COL25A1: variants seen among roughly 807,000 people sequenced by gnomAD.
COL25A1 encodes the protein collagen alpha-1(XXV) chain.
Under a neutral mutation model 128.4 loss-of-function variants are expected in COL25A1, and 103 were observed. That is an observed-to-expected ratio of 0.80 (90% CI 0.68 to 0.94). The LOEUF (loss-of-function observed/expected upper bound fraction) is 0.94. Among genes scored for constraint, COL25A1 ranks in the 40% least tolerant of loss-of-function variants. COL25A1 has a pLI of 0.00. For missense variants in COL25A1, 745 were observed against 840.0 expected (o/e 0.89, Z 1.40); for synonymous variants, 279 against 277.2 (o/e 1.01, Z -0.06).
chr4:109,140,598 T>A (rs1464828326), intron 3 of COL25A1, among the ~76,000 whole-genome samples: 1 of 152,234 alleles, frequency 6.6e-6, no homozygotes, highest in African/African-American at 2.4e-5. Flanking sequence ...TTGTGTCCTC[T>A]CTTATTTCCT....
At chr4:109,176,784 C>A (rs961991964) in intron 3 of COL25A1, among the ~76,000 whole-genome samples, 3 of 152,138 alleles carry the variant, frequency 2.0e-5, no homozygotes, top group Admixed American at 2.0e-4. Flanking sequence ...GGAAAAGACA[C>A]AGACAGAAGA....
At chr4:109,127,617 C>T (rs749852701) in intron 3 of COL25A1, among the ~76,000 whole-genome samples, 3 of 152,092 alleles carry the variant, frequency 2.0e-5, no homozygotes, top group African/African-American at 4.8e-5. Flanking sequence ...TGTGAGCCAC[C>T]GCGCCTGGCC....
At chr4:108,914,902 G>T (rs1744689400) in intron 13 of COL25A1, among the ~76,000 whole-genome samples, 1 of 152,060 alleles carries the variant, frequency 6.6e-6, no homozygotes. Flanking sequence ...ATTCACTTTA[G>T]ATATATTGTC....
intron 3 of COL25A1, among the ~76,000 whole-genome samples, chr4:109,240,935 AC>A (rs201977386): frequency 0.032 from 3,336 of 104,134 alleles, 101 homozygotes; most frequent in African/African-American, 0.15. Flanking sequence ...AATGGAGAGT[AC>A]AAAATAATTT....
rs149459099 is a variant in COL25A1 at position 109,216,607 on chromosome 4, G to A, written c.367+83976C>T. 3.6e-4 allele frequency among the ~76,000 whole-genome samples: 55 copies of A among 152,170 alleles called. 1 individual carries two copies. The highest frequency in any genetic ancestry group is 1.3e-3 in the African/African-American group (52 of 41,530). On this transcript the variant is annotated intron_variant, in intron 3 of 37. Transcript: ENST00000399132. ...GCCATGTGAAGACAGGCAGAGATTGGAGCTCTTCTGCCACAAGCCAAGAAA... is the reference window on the plus strand; with the variant it reads ...GCCATGTGAAGACAGGCAGAGATTGAAGCTCTTCTGCCACAAGCCAAGAAA...
intron 3 of COL25A1, among the ~76,000 whole-genome samples, chr4:109,125,354 C>T (rs1321792244): frequency 6.6e-6 from 1 of 152,098 alleles, no homozygotes; most frequent in African/African-American, 2.4e-5. Context: ...ATAGCCTTCT[C>T]AGGAAGTAAC....
At chr4:108,954,207 C>T (rs147103565) in intron 8 of COL25A1, among the ~76,000 whole-genome samples, 8 of 152,102 alleles carry the variant, frequency 5.3e-5, no homozygotes. Context: ...AATGTCAAAA[C>T]CGAATTTCCT....
At chr4:109,167,048 T>G (rs1773139769) in intron 3 of COL25A1, among the ~76,000 whole-genome samples, 1 of 152,134 alleles carries the variant, frequency 6.6e-6, no homozygotes, top group Non-Finnish European at 1.5e-5. Flanking sequence ...ATCAATGAGG[T>G]CTTTGTTTAA....
intron 8 of COL25A1, among the ~76,000 whole-genome samples, chr4:108,960,208 T>C (rs1750529691): frequency 6.6e-6 from 1 of 152,074 alleles, no homozygotes; most frequent in Non-Finnish European, 1.5e-5. Context: ...TAGTTATCCA[T>C]TTGGCAGAGA....
At chr4:109,153,519 CATG>C (rs1255578163) in intron 3 of COL25A1, among the ~76,000 whole-genome samples, 1 of 152,130 alleles carries the variant, frequency 6.6e-6, no homozygotes, top group Admixed American at 6.5e-5. Flanking sequence ...TATTCCTTTT[CATG>C]ATAATGCTGA....
intron 5 of COL25A1, among the ~76,000 whole-genome samples, chr4:109,024,840 G>C (rs1408423104): frequency 6.6e-6 from 1 of 152,178 alleles, no homozygotes; most frequent in East Asian, 1.9e-4. Flanking sequence ...CTTAAGATAT[G>C]CTCTCAAAAA....
intron 13 of COL25A1, among the ~76,000 whole-genome samples, chr4:108,914,626 G>T (rs1420132137): frequency 1.4e-5 from 2 of 143,716 alleles, no homozygotes; most frequent in Non-Finnish European, 3.0e-5. Flanking sequence ...CTGCTTGAAT[G>T]TAAGTCTAAG....
intron 3 of COL25A1, among the ~76,000 whole-genome samples, chr4:109,297,857 CT>C (rs1458268998): frequency 1.2e-5 from 1 of 83,436 alleles, no homozygotes; most frequent in Non-Finnish European, 2.4e-5. Flanking sequence ...GTCTTTTTTC[CT>C]TTTCTTTTTT....
chr4:108,905,142 G>A lies in COL25A1; in HGVS notation c.781-3970C>T, dbSNP rs1743325653. Among the ~76,000 whole-genome samples, 2 of 152,090 alleles carry A rather than the reference G, an allele frequency of 1.3e-5. 1 individual carries two copies. The highest frequency in any genetic ancestry group is 4.1e-4 in the South Asian group (2 of 4,828). ...TCTTCCTTTCTGGAAATTGGAATGA[G>A]AATGGAATGGACCTATACGTTATAC... On this transcript the variant is annotated intron_variant, in intron 13 of 37. Transcript: ENST00000399132.
At chr4:109,269,000 T>C (rs1781990504) in intron 3 of COL25A1, among the ~76,000 whole-genome samples, 1 of 151,834 alleles carries the variant, frequency 6.6e-6, no homozygotes, top group South Asian at 2.1e-4. Flanking sequence ...GTTACATACG[T>C]ATGCATGTGC....
intron 2 of COL25A1, 97 bp downstream of exon 2, chr4:109,301,626 C>T: frequency 7.1e-7 from 1 of 1,405,102 alleles, no homozygotes; most frequent in South Asian, 1.3e-5. Context: ...ACAGCCACAC[C>T]AAGTATGGGT....
intron 3 of COL25A1, among the ~76,000 whole-genome samples, chr4:109,296,417 C>A (rs557074542): frequency 6.6e-6 from 1 of 152,030 alleles, no homozygotes; most frequent in South Asian, 2.1e-4. Context: ...CTTGTCATAC[C>A]TGTACATTCA....
At chr4:108,864,873 C>A (rs1245905879) in intron 20 of COL25A1, among the ~76,000 whole-genome samples, 1 of 152,152 alleles carries the variant, frequency 6.6e-6, no homozygotes, top group Non-Finnish European at 1.5e-5. Context: ...GATGAGGAAG[C>A]CAAAGTTTGG....
intron 3 of COL25A1, among the ~76,000 whole-genome samples, chr4:109,289,085 A>C (rs1724203726): frequency 6.6e-6 from 1 of 152,038 alleles, no homozygotes; most frequent in African/African-American, 2.4e-5. Flanking sequence ...AAATTTGTAC[A>C]CCTATGGAAA....
Sources: gnomAD v4.1 joint callset for allele counts (sites outside exome capture counted in the v4.1 genomes callset) on GRCh38, gnomAD v4.1.1 for gene constraint, MANE v1.5 for transcripts, NCBI Gene and HGNC (gene_info 2026-07-23, HGNC 2026-07-21) for gene names.